The following CACNA2D2 variants were observed in gnomAD, a reference collection of about 807,000 sequenced individuals.
The protein encoded by CACNA2D2 is calcium voltage-gated channel auxiliary subunit alpha2delta 2.
CACNA2D2 carries 48 observed loss-of-function variants against 166.4 expected under a neutral mutation model. The ratio of observed to expected loss-of-function variants is 0.29; its 90% CI spans 0.23 to 0.37. CACNA2D2 has a LOEUF of 0.37. Ranked by LOEUF, CACNA2D2 falls within the 10% of genes least tolerant of loss-of-function variation. CACNA2D2 has a pLI of 1.00. For missense variants in CACNA2D2, 1,122 were observed against 1,433.0 expected (o/e 0.78, Z 3.50); for synonymous variants, 561 against 573.7 (o/e 0.98, Z 0.32).
chr3:50,484,258 C>T (rs1028179939), intron 1 of CACNA2D2, among the ~76,000 whole-genome samples: 39 of 152,116 alleles, frequency 2.6e-4, no homozygotes, highest in African/African-American at 8.0e-4. Context: ...CACCCACTGC[C>T]GACTGCCTCC....
intron 3 of CACNA2D2, among the ~76,000 whole-genome samples, chr3:50,420,554 C>G (rs1354153143): frequency 6.6e-6 from 1 of 152,192 alleles, no homozygotes; most frequent in Non-Finnish European, 1.5e-5. Flanking sequence ...GTATACATAC[C>G]CTGTGCATAG....
chr3:50,461,182 G>C (rs1289973344), intron 2 of CACNA2D2, among the ~76,000 whole-genome samples: 1 of 152,200 alleles, frequency 6.6e-6, no homozygotes, highest in Non-Finnish European at 1.5e-5. Context: ...ACTGGGCAAA[G>C]GGAGAAAATT....
chr3:50,477,347 G>A (rs1240061572), intron 1 of CACNA2D2, among the ~76,000 whole-genome samples: 1 of 152,218 alleles, frequency 6.6e-6, no homozygotes, highest in African/African-American at 2.4e-5. Flanking sequence ...AGTCAAGCGT[G>A]TTCGCTGCAT....
At chr3:50,462,899 A>AG (rs1229715872) in intron 2 of CACNA2D2, among the ~76,000 whole-genome samples, 1 of 151,942 alleles carries the variant, frequency 6.6e-6, no homozygotes, top group African/African-American at 2.4e-5. Flanking sequence ...AGAAAAAAAA[A>AG]AGAGAGAGGG....
chr3:50,421,758 A>G (rs768850767), intron 3 of CACNA2D2, among the ~76,000 whole-genome samples: 8 of 152,084 alleles, frequency 5.3e-5, no homozygotes, highest in Non-Finnish European at 7.4e-5. Flanking sequence ...GAAAAGCTTC[A>G]AGCCCCTCAG....
intron 2 of CACNA2D2, among the ~76,000 whole-genome samples, chr3:50,455,173 G>A (rs556606221): frequency 6.6e-6 from 1 of 152,262 alleles, no homozygotes; most frequent in African/African-American, 2.4e-5. Flanking sequence ...GCTGAGCACT[G>A]TACGCCCCCT....
intron 2 of CACNA2D2, among the ~76,000 whole-genome samples, chr3:50,447,518 C>T (rs1193078610): frequency 6.6e-6 from 1 of 152,112 alleles, no homozygotes; most frequent in East Asian, 1.9e-4. Flanking sequence ...CTACTTCCTC[C>T]TTAGGAGGGA....
At chr3:50,488,616 C>G (rs1048575401) in intron 1 of CACNA2D2, among the ~76,000 whole-genome samples, 2 of 150,462 alleles carry the variant, frequency 1.3e-5, no homozygotes, top group African/African-American at 2.5e-5. Flanking sequence ...TGGGAGCTCC[C>G]GCCTGCTGCA....
intron 3 of CACNA2D2, among the ~76,000 whole-genome samples, chr3:50,423,925 G>A (rs771454635): frequency 4.6e-5 from 7 of 152,256 alleles, no homozygotes; most frequent in Non-Finnish European, 7.3e-5. Context: ...TTCTACACAC[G>A]GGGCGGAGCT....
At chr3:50,395,535 T>C (rs1706107344) in intron 3 of CACNA2D2, among the ~76,000 whole-genome samples, 1 of 152,034 alleles carries the variant, frequency 6.6e-6, no homozygotes, top group Admixed American at 6.5e-5. Flanking sequence ...ACTCAGAAGG[T>C]CCCGCCTCTT....
chr3:50,404,261 C>T (rs535439973), intron 3 of CACNA2D2, among the ~76,000 whole-genome samples: 17 of 152,234 alleles, frequency 1.1e-4, no homozygotes, highest in African/African-American at 2.2e-4. Flanking sequence ...GTGTTCTCCA[C>T]GAAGAGGCAT....
At chr3:50,391,559 T>A (rs1461711127) in intron 4 of CACNA2D2, among the ~76,000 whole-genome samples, 1 of 152,212 alleles carries the variant, frequency 6.6e-6, no homozygotes, top group Non-Finnish European at 1.5e-5. Flanking sequence ...AGGGTCTGGG[T>A]TGGCCAGGGA....
chr3:50,503,702 C>T (rs1699089505), upstream of CACNA2D2: 1 of 152,128 alleles, frequency 6.6e-6, no homozygotes, highest in Non-Finnish European at 1.5e-5. Context: ...GCCCTCTTCT[C>T]TCCCTCCCTC....
At chr3:50,497,229 A>G (rs1174115772) in intron 1 of CACNA2D2, among the ~76,000 whole-genome samples, 1 of 152,156 alleles carries the variant, frequency 6.6e-6, no homozygotes, top group Non-Finnish European at 1.5e-5. Flanking sequence ...TTCTTAGGGC[A>G]TTGGAATGTC....
chr3:50,433,653 A>G (rs548384902), intron 3 of CACNA2D2, among the ~76,000 whole-genome samples: 2 of 152,194 alleles, frequency 1.3e-5, no homozygotes, highest in South Asian at 4.2e-4. Context: ...GGCAGCTGAG[A>G]AGCCCCATCC....
chr3:50,365,949 T>C lies in CACNA2D2; in HGVS notation c.2862+62A>G. On this transcript the variant is annotated intron_variant, in intron 32 of 37. Transcript: ENST00000424201. This position sits in a 1 kb window ranked among gnomAD's most constrained non-coding sequence, Gnocchi z 4.5. ...TTTATCAAATGTCAGAGGTAGGGGG[T>C]CATCTGTGGGCAGGTCTCCCAGTCC... 1 of 1,610,644 alleles carries C rather than the reference T, an allele frequency of 6.2e-7. No homozygotes were observed. Among genetic ancestry groups the C allele is most frequent in the South Asian group, 1.1e-5 (1 of 90,962 alleles).
intron 3 of CACNA2D2, among the ~76,000 whole-genome samples, chr3:50,401,532 G>T (rs1706454767): frequency 6.6e-6 from 1 of 152,188 alleles, no homozygotes; most frequent in Non-Finnish European, 1.5e-5. Context: ...ACCAGCCAGG[G>T]TGGGGAGCCT....
intron 1 of CACNA2D2, among the ~76,000 whole-genome samples, chr3:50,482,838 T>C (rs1698110601): frequency 6.6e-6 from 1 of 152,180 alleles, no homozygotes; most frequent in Non-Finnish European, 1.5e-5. Context: ...TGCTTGTCCA[T>C]GCAAAAGAGA....
chr3:50,478,550 G>A (rs1334446037), intron 1 of CACNA2D2, among the ~76,000 whole-genome samples: 4 of 152,196 alleles, frequency 2.6e-5, no homozygotes, highest in South Asian at 2.1e-4. Context: ...CATCCACTAC[G>A]TACAAGGTGC....
Sources: allele counts gnomAD v4.1 joint callset (sites outside exome capture counted in the v4.1 genomes callset), GRCh38; gene constraint gnomAD v4.1.1; non-coding constraint Gnocchi (gnomAD v3.1); transcripts MANE v1.5; gene names NCBI Gene and HGNC (gene_info 2026-07-23, HGNC 2026-07-21).